DIAPH2: variants seen among roughly 807,000 people sequenced by gnomAD.
The protein encoded by DIAPH2 is protein diaphanous homolog 2.
DIAPH2 carries 35 observed loss-of-function variants against 92.7 expected under a neutral mutation model. That is an observed-to-expected ratio of 0.38 (90% confidence interval 0.29 to 0.50). The LOEUF is 0.50. Ranked by LOEUF, DIAPH2 falls within the 20% of genes least tolerant of loss-of-function variation. The pLI is 0.94. For synonymous variants in DIAPH2, 301 were observed against 280.4 expected, an observed-to-expected ratio of 1.07 and a Z score of -0.73; for missense variants, 701 against 819.5, an observed-to-expected ratio of 0.86 and a Z score of 1.77.
chrX:96,795,181 G>A (rs1259516404), intron 4 of DIAPH2, among the ~76,000 whole-genome samples: 1 of 111,130 alleles, frequency 9.0e-6, no homozygotes, highest in East Asian at 2.8e-4. Context: ...TTAAAGCAGT[G>A]GTCTGTACCA....
rs188707403 is a variant in DIAPH2 at position 97,547,378 on chromosome X, G to A, written c.3242-51875G>A. Among the ~76,000 whole-genome samples, 361 of 112,087 alleles carry A rather than the reference G, an allele frequency of 3.2e-3. 1 individual carries two copies. The highest frequency in any genetic ancestry group is 6.6e-3 in the Admixed American group (70 of 10,582). ...GTCTTCTAGCTTTTGCTGTGCTAAA[G>A]CAAGAGAAGTACAAATGTCAACAAG... On this transcript the variant is annotated intron_variant, in intron 26 of 26. Coordinates refer to ENST00000324765, the MANE Select transcript of DIAPH2 (RefSeq NM_006729.5).
chrX:97,209,095 C>T (rs1424308472), intron 22 of DIAPH2, among the ~76,000 whole-genome samples: 1 of 110,844 alleles, frequency 9.0e-6, no homozygotes, highest in African/African-American at 3.3e-5. Context: ...GACCTCAAAC[C>T]TTTCATTATT....
chrX:97,064,096 A>G (rs893882481), intron 17 of DIAPH2, among the ~76,000 whole-genome samples: 1 of 112,177 alleles, frequency 8.9e-6, no homozygotes, highest in African/African-American at 3.2e-5. Flanking sequence ...TCTTTCTCAC[A>G]ACATTCCTAT....
chrX:97,354,451 C>T lies in DIAPH2; in HGVS notation c.3009+6171C>T, dbSNP rs760654927. On this transcript the variant is annotated intron_variant, in intron 24 of 26. Coordinates refer to ENST00000324765, the MANE Select transcript of DIAPH2 (RefSeq NM_006729.5). ...ACAGTGGCTTGATCTCAGCTCACTG[C>T]AACCTCCACCCCCTGGGTTCAAGTG... Among the ~76,000 whole-genome samples, 4 of 111,644 alleles carry T rather than the reference C, an allele frequency of 3.6e-5. No individual in the cohort carries two copies. In the South Asian group the frequency reaches 1.5e-3, roughly 42 times the overall value.
At chrX:96,892,878 CAT>C (rs2065317053) in intron 5 of DIAPH2, among the ~76,000 whole-genome samples, 1 of 110,881 alleles carries the variant, frequency 9.0e-6, no homozygotes, top group African/African-American at 3.3e-5. Context: ...TAATTAGAAA[CAT>C]GTAACTGGTC....
intron 1 of DIAPH2, among the ~76,000 whole-genome samples, chrX:96,723,641 A>G (rs944945749): frequency 8.9e-6 from 1 of 111,991 alleles, no homozygotes; most frequent in Non-Finnish European, 1.9e-5. Context: ...ATCATTGAGA[A>G]CTTTGTTTCT....
At chrX:97,562,462 C>T (rs958825286) in intron 26 of DIAPH2, among the ~76,000 whole-genome samples, 2 of 109,806 alleles carry the variant, frequency 1.8e-5, no homozygotes, top group Non-Finnish European at 3.8e-5. Context: ...ACCGAGATCG[C>T]GCCACTGCAT....
At chrX:97,272,714 A>C (rs1395654547) in intron 23 of DIAPH2, among the ~76,000 whole-genome samples, 2 of 112,255 alleles carry the variant, frequency 1.8e-5, no homozygotes, top group Non-Finnish European at 3.8e-5. Flanking sequence ...TGAAGACAGG[A>C]AAATAATTCA....
intron 26 of DIAPH2, among the ~76,000 whole-genome samples, chrX:97,461,111 C>G (rs1456461940): frequency 9.0e-6 from 1 of 111,253 alleles, no homozygotes; most frequent in African/African-American, 3.3e-5. Context: ...TGGGAAGGCC[C>G]AGGGAGGTTG....
intron 25 of DIAPH2, among the ~76,000 whole-genome samples, chrX:97,389,090 G>A (rs1024922958): frequency 2.7e-4 from 30 of 111,113 alleles, no homozygotes; most frequent in African/African-American, 8.8e-4. Context: ...GCAAATCCCT[G>A]AAATGATCTT....
chrX:97,046,355 A>G lies in DIAPH2; in HGVS notation c.2051-26586A>G, dbSNP rs191778837. 9.9e-5 allele frequency among the ~76,000 whole-genome samples: 11 copies of G among 110,886 alleles called. No individual in the cohort carries two copies. The East Asian group carries it at 3.1e-3, about 32-fold the overall frequency. ...TAGGAGGATCCTTTTCTCCTTTGTA[A>G]TGGGAAAGATGAAGATGGTGTAAAT... On this transcript the variant is annotated intron_variant, in intron 17 of 26. Transcript: ENST00000324765.
chrX:97,299,743 T>G (rs185744872), intron 23 of DIAPH2, among the ~76,000 whole-genome samples: 72 of 112,566 alleles, frequency 6.4e-4, no homozygotes, highest in African/African-American at 2.2e-3. Context: ...AAATGAAAAT[T>G]ATACATTGGA....
intron 23 of DIAPH2, among the ~76,000 whole-genome samples, chrX:97,299,894 G>T (rs1427003812): frequency 1.8e-5 from 2 of 111,417 alleles, no homozygotes; most frequent in African/African-American, 6.5e-5. Context: ...CAAATATCAA[G>T]ACTAAATTGT....
intron 26 of DIAPH2, among the ~76,000 whole-genome samples, chrX:97,586,156 C>T (rs1007106663): frequency 1.8e-5 from 2 of 111,941 alleles, no homozygotes; most frequent in African/African-American, 6.5e-5. Context: ...CTCCCCTGAA[C>T]CTTGGTCTTG....
Position 97,599,818 on chromosome X carries a change from G to A in DIAPH2, c.*501G>A, listed in dbSNP as rs752933655. The A allele has an allele frequency of 3.6e-5, 4 of 112,418 alleles. No individual in the cohort carries two copies. In the East Asian group the frequency reaches 1.1e-3, roughly 31 times the overall value. The allele number at this position is 112,418 out of a possible 1,213,427, so 9.3% of individuals were successfully genotyped here. On this transcript the variant is annotated 3_prime_UTR_variant, in exon 27 of 27. Coordinates refer to ENST00000324765, the MANE Select transcript of DIAPH2 (RefSeq NM_006729.5). Reference sequence around the variant, plus strand: ...GAGGCTAATATTATGCACACTGTAAGAGAAGCCATTTTGGAAATTCACGAA... The same window carrying A: ...GAGGCTAATATTATGCACACTGTAAAAGAAGCCATTTTGGAAATTCACGAA...
At chrX:96,735,056 G>A (rs750979402) in intron 1 of DIAPH2, among the ~76,000 whole-genome samples, 1 of 111,312 alleles carries the variant, frequency 9.0e-6, no homozygotes, top group South Asian at 3.8e-4. Context: ...ATACATTATT[G>A]TAAGGTCTTG....
intron 4 of DIAPH2, among the ~76,000 whole-genome samples, chrX:96,788,256 G>A (rs1164063652): frequency 9.0e-6 from 1 of 111,585 alleles, no homozygotes; most frequent in Non-Finnish European, 1.9e-5. Flanking sequence ...TGAGTTACAT[G>A]TTCCTCATTT....
intron 26 of DIAPH2, among the ~76,000 whole-genome samples, chrX:97,485,146 G>A (rs1302133497): frequency 8.9e-6 from 1 of 111,822 alleles, no homozygotes; most frequent in Non-Finnish European, 1.9e-5. Context: ...TGTAAATACC[G>A]AAGGCAATTC....
intron 15 of DIAPH2, among the ~76,000 whole-genome samples, chrX:96,952,996 G>A (rs1034095233): frequency 2.8e-5 from 3 of 108,651 alleles, no homozygotes; most frequent in African/African-American, 1.0e-4. Context: ...GTGCATGCCT[G>A]TAGTCCCAGT....
Sources: gnomAD v4.1 joint callset for allele counts (sites outside exome capture counted in the v4.1 genomes callset) on GRCh38, gnomAD v4.1.1 for gene constraint, MANE v1.5 for transcripts, NCBI Gene and HGNC (gene_info 2026-07-23, HGNC 2026-07-21) for gene names.